The following NOC3L variants were observed in gnomAD, a reference collection of about 807,000 sequenced individuals.
NOC3L encodes the protein nucleolar complex protein 3 homolog.
Under a neutral mutation model 102.5 loss-of-function variants are expected in NOC3L, and 85 were observed. The observed-to-expected ratio is 0.83, with a 90% CI of 0.70 to 0.99. The LOEUF (loss-of-function observed/expected upper bound fraction) is 0.99. Among genes scored for constraint, NOC3L ranks in the 50% least tolerant of loss-of-function variants. The pLI, the probability that NOC3L is intolerant of heterozygous loss-of-function variation, is 0.00. For missense variants in NOC3L, 878 were observed against 914.9 expected, an observed-to-expected ratio of 0.96 and a Z score of 0.52; for synonymous variants, 303 against 309.4, an observed-to-expected ratio of 0.98 and a Z score of 0.22.
rs1429466690 is a variant in NOC3L, at chr10:94,355,096, A to G, written c.566-3T>C. The G allele has an allele frequency of 6.2e-7, 1 of 1,608,108 alleles. No individual in the cohort carries two copies. Among genetic ancestry groups the G allele is most frequent in the East Asian group, 2.2e-5 (1 of 44,730 alleles). On this transcript the variant is annotated splice_polypyrimidine_tract_variant and splice_region_variant and intron_variant, in intron 5 of 20. Transcript: ENST00000371361. Reference sequence around the variant, plus strand: ...TTGAATAGGATCTTCAATGATCTCTAAAACAGATTAGATGTTCCCTTACAT... The same window carrying G: ...TTGAATAGGATCTTCAATGATCTCTGAAACAGATTAGATGTTCCCTTACAT...
chr10:94,325,136 G>C, the NOC3L span: 2 of 1,459,336 alleles, frequency 1.4e-6, no homozygotes, highest in Non-Finnish European at 9.6e-7. Context: ...TCCTGGAACA[G>C]GGCTTAACTT....
chr10:94,343,935 C>T (rs1040340154), intron 13 of NOC3L, among the ~76,000 whole-genome samples: 28 of 152,096 alleles, frequency 1.8e-4, no homozygotes, highest in Non-Finnish European at 3.8e-4. Flanking sequence ...AATTGTGGAA[C>T]GCTATCATGA....
intron 7 of NOC3L, among the ~76,000 whole-genome samples, 189 bp from the exon 8 acceptor site, chr10:94,352,592 C>T (rs1027356015): frequency 6.6e-6 from 1 of 152,114 alleles, no homozygotes; most frequent in African/African-American, 2.4e-5. Flanking sequence ...GAGGCAGAGG[C>T]GGGTAGATCA....
chr10:94,342,787 T>C (rs1463809906), intron 13 of NOC3L, among the ~76,000 whole-genome samples: 1 of 150,506 alleles, frequency 6.6e-6, no homozygotes, highest in Middle Eastern at 3.3e-3. Flanking sequence ...TCCATTTGCA[T>C]GAAAGATGGC....
At chr10:94,357,925 C>A (rs1236628123) in intron 3 of NOC3L, 158 bp downstream of exon 3, 6 of 603,712 alleles carry the variant, frequency 9.9e-6, no homozygotes, top group Non-Finnish European at 1.8e-5. Flanking sequence ...TTATCTTATA[C>A]ATGAACCTCC....
At chr10:94,346,638 G>T in intron 10 of NOC3L, 82 bp from the exon 11 acceptor site, 1 of 770,578 alleles carries the variant, frequency 1.3e-6, no homozygotes, top group Non-Finnish European at 1.8e-6. Flanking sequence ...GCATTTAACA[G>T]TGTTATTTCC....
At chr10:94,326,394 T>C in the NOC3L span, among the ~76,000 whole-genome samples, 1 of 152,334 alleles carries the variant, frequency 6.6e-6, no homozygotes, top group East Asian at 1.9e-4. Flanking sequence ...ACTCCTAAAA[T>C]AACTGATGTC....
At chr10:94,339,652 T>C in intron 17 of NOC3L, 87 bp downstream of exon 17, 2 of 1,030,072 alleles carry the variant, frequency 1.9e-6, no homozygotes, top group Non-Finnish European at 2.8e-6. Flanking sequence ...ATTGAAATAA[T>C]ATAAAAGGGG....
chr10:94,315,237 C>T, the NOC3L span: 1 of 340,530 alleles, frequency 2.9e-6, no homozygotes, highest in Non-Finnish European at 5.8e-6. Flanking sequence ...AACCTTCACT[C>T]CCACTGCCCT....
At chr10:94,345,304 A>C (rs2054330563) in intron 11 of NOC3L, among the ~76,000 whole-genome samples, 2 of 152,268 alleles carry the variant, frequency 1.3e-5, no homozygotes, top group African/African-American at 4.8e-5. Flanking sequence ...AAAGAAAAAA[A>C]AAAGGAAAGA....
At chr10:94,318,708 C>T in the NOC3L span, among the ~76,000 whole-genome samples, 1 of 152,164 alleles carries the variant, frequency 6.6e-6, no homozygotes, top group Non-Finnish European at 1.5e-5. Flanking sequence ...TCACAGGAAG[C>T]TTCATTTTAT....
the NOC3L span, among the ~76,000 whole-genome samples, chr10:94,316,248 C>T: frequency 6.6e-6 from 1 of 152,244 alleles, no homozygotes; most frequent in East Asian, 1.9e-4. Flanking sequence ...TTACAAAGGG[C>T]TAAGTTCATG....
chr10:94,362,655 G>A (rs572880785), intron 1 of NOC3L, among the ~76,000 whole-genome samples, 175 bp downstream of exon 1: 1 of 152,298 alleles, frequency 6.6e-6, no homozygotes, highest in Admixed American at 6.5e-5. Flanking sequence ...CTGAAGTGGT[G>A]CGCGCACACA....
chr10:94,352,435 A>C (rs1327919426), intron 7 of NOC3L, 32 bp from the exon 8 acceptor site: 1 of 1,461,998 alleles, frequency 6.8e-7, no homozygotes, highest in Admixed American at 1.8e-5. Flanking sequence ...ATCATTTTTT[A>C]AAATCAGAAC....
Position 94,339,898 on chromosome 10 carries a change from C to T in NOC3L, c.1803G>A (p.Glu601=), listed in dbSNP as rs147634769. The part of the protein sequence containing the change: ...LHAGATNEGV[E]IVLQCLDVML... ...TGACATCAAGGCACTGGAGTACAAT[C>T]TCAACACCTTCATTGGTAGCACCTA... Residue 601 remains glutamate (E), a synonymous_variant, in exon 17 of 21, where the codon GAG becomes GAA. Coordinates refer to ENST00000371361, the MANE Select transcript of NOC3L (RefSeq NM_022451.11). 1.5e-5 allele frequency: 24 copies of T among 1,613,782 alleles called. No homozygotes were observed. Among genetic ancestry groups the T allele is most frequent in the Non-Finnish European group, 2.0e-5 (24 of 1,179,946 alleles).
intron 10 of NOC3L, among the ~76,000 whole-genome samples, chr10:94,347,062 G>A (rs901533443): frequency 3.9e-5 from 6 of 152,162 alleles, no homozygotes; most frequent in Non-Finnish European, 8.8e-5. Context: ...TTGGAAACTG[G>A]TGTTTTGTGT....
chr10:94,361,927 G>GAT, intron 1 of NOC3L, 55 bp from the exon 2 acceptor site: 1 of 1,287,900 alleles, frequency 7.8e-7, no homozygotes, highest in Non-Finnish European at 1.1e-6. Flanking sequence ...TTTAAATCAG[G>GAT]TTAAAGAGAA....
chr10:94,338,304 T>TA (rs2054245065), intron 18 of NOC3L, among the ~76,000 whole-genome samples: 1 of 152,210 alleles, frequency 6.6e-6, no homozygotes, highest in Admixed American at 6.5e-5. Flanking sequence ...ATGTACCTGA[T>TA]AACAAATCCT....
rs192586601 is a variant in NOC3L, at chr10:94,340,410, A to G, written c.1708+23T>C. Reference sequence around the variant, plus strand: ...AGCATTCAAAGGTAAGGCAAACAAAACTTGATTAAGAAAATATCATACCTT... The same window carrying G: ...AGCATTCAAAGGTAAGGCAAACAAAGCTTGATTAAGAAAATATCATACCTT... On this transcript the variant is annotated intron_variant, in intron 15 of 20. Coordinates refer to ENST00000371361, the MANE Select transcript of NOC3L (RefSeq NM_022451.11). The G allele has an allele frequency of 4.2e-4, 681 of 1,604,242 alleles. 3 individuals are homozygous for G. In the African/African-American group the frequency reaches 7.8e-3, roughly 18 times the overall value.
Sources: allele counts gnomAD v4.1 joint callset (sites outside exome capture counted in the v4.1 genomes callset), GRCh38; gene constraint gnomAD v4.1.1; transcripts MANE v1.5; gene names NCBI Gene and HGNC (gene_info 2026-07-23, HGNC 2026-07-21).